Variants in ZNF487 observed in about 807,000 individuals in gnomAD.
ZNF487 encodes the protein KRAB domain only 1.
A neutral mutation model predicts 3.0 loss-of-function variants in ZNF487; 4 were observed. The ratio of observed to expected loss-of-function variants is 1.35; its 90% CI spans 0.66 to 3.08. The LOEUF (loss-of-function observed/expected upper bound fraction) is 3.08. Among genes scored for constraint, ZNF487 ranks in the 30% most tolerant of loss-of-function variants. ZNF487 has a pLI of 0.01. For missense variants in ZNF487, 146 were observed against 98.7 expected (o/e 1.48, Z -2.03); for synonymous variants, 55 against 34.6 (o/e 1.59, Z -2.06).
intron 3 of ZNF487, among the ~76,000 whole-genome samples, chr10:43,477,287 C>T (rs1415443258): frequency 6.6e-6 from 1 of 151,490 alleles, no homozygotes; most frequent in Non-Finnish European, 1.5e-5. Context: ...ACCTCTGCCT[C>T]CCAGCTCAGA....
downstream of ZNF487, among the ~76,000 whole-genome samples, chr10:43,483,527 C>A (rs950023302): frequency 9.2e-5 from 6 of 64,886 alleles, no homozygotes; most frequent in Admixed American, 1.1e-3. Context: ...CCACCATGCC[C>A]AGCCCTTCTT....
At chr10:43,516,815 T>TA in the ZNF487 span, among the ~76,000 whole-genome samples, 1 of 152,198 alleles carries the variant, frequency 6.6e-6, no homozygotes, top group Non-Finnish European at 1.5e-5. Flanking sequence ...CACTCACTGA[T>TA]ACACTCAGGA....
the ZNF487 span, among the ~76,000 whole-genome samples, chr10:43,522,739 C>CA: frequency 6.6e-6 from 1 of 151,688 alleles, no homozygotes; most frequent in Admixed American, 6.6e-5. Flanking sequence ...TCTCAAAAAA[C>CA]AAAAAATAAA....
chr10:43,502,419 T>A, the ZNF487 span, among the ~76,000 whole-genome samples: 1 of 152,084 alleles, frequency 6.6e-6, no homozygotes. Context: ...GTATACCTAA[T>A]GTAAATGATG....
chr10:43,508,763 T>C, the ZNF487 span, among the ~76,000 whole-genome samples: 145 of 152,108 alleles, frequency 9.5e-4, 1 homozygote, highest in Non-Finnish European at 1.7e-3. Context: ...GGAGAATCGT[T>C]TGAACCTGGG....
chr10:43,487,682 C>A (rs1229132542), downstream of ZNF487, among the ~76,000 whole-genome samples: 1 of 150,430 alleles, frequency 6.6e-6, no homozygotes, highest in East Asian at 2.0e-4. Flanking sequence ...CATCTTCCGA[C>A]TTCAGGTGAT....
the ZNF487 span, among the ~76,000 whole-genome samples, chr10:43,518,541 C>A: frequency 6.6e-6 from 1 of 152,102 alleles, no homozygotes; most frequent in Non-Finnish European, 1.5e-5. Context: ...CTTTTGATGA[C>A]CATCTTGCCA....
At chr10:43,465,289 T>C (rs1276940089) in intron 1 of ZNF487, among the ~76,000 whole-genome samples, 1 of 147,962 alleles carries the variant, frequency 6.8e-6, no homozygotes, top group Non-Finnish European at 1.5e-5. Context: ...TGGCGGGGGC[T>C]GATCCCCACC....
chr10:43,506,210 C>T, the ZNF487 span, among the ~76,000 whole-genome samples: 1 of 152,150 alleles, frequency 6.6e-6, no homozygotes, highest in Non-Finnish European at 1.5e-5. Context: ...AAAAACCTTC[C>T]TTATCAAAAG....
At chr10:43,516,734 C>T in the ZNF487 span, among the ~76,000 whole-genome samples, 1 of 152,170 alleles carries the variant, frequency 6.6e-6, no homozygotes, top group Admixed American at 6.5e-5. Context: ...TTAGATTGTG[C>T]CCCACCCAGA....
the ZNF487 span, among the ~76,000 whole-genome samples, chr10:43,495,684 AT>A: frequency 1.7e-4 from 26 of 152,260 alleles, no homozygotes; most frequent in African/African-American, 6.0e-4. Context: ...TTGCAGGCAT[AT>A]TTTTTAACTA....
intron 1 of ZNF487, among the ~76,000 whole-genome samples, chr10:43,465,826 C>G (rs1390809164): frequency 6.6e-6 from 1 of 152,208 alleles, no homozygotes; most frequent in African/African-American, 2.4e-5. Context: ...CTTTGGGAGG[C>G]CAAGGCAGGC....
the ZNF487 span, among the ~76,000 whole-genome samples, chr10:43,515,848 C>T: frequency 1.6e-3 from 240 of 152,242 alleles, no homozygotes; most frequent in Middle Eastern, 6.8e-3. Flanking sequence ...AATCTCGGCT[C>T]ACTGCAACCT....
chr10:43,441,034 A>ATTTT (rs763451709), intron 1 of ZNF487, among the ~76,000 whole-genome samples: 10,885 of 44,598 alleles, frequency 0.24, 3,355 homozygotes, highest in East Asian at 0.43. Context: ...ACCTGGTTAA[A>ATTTT]TTTTTTTTTT....
chr10:43,460,145 A>G (rs1158808014), intron 1 of ZNF487, among the ~76,000 whole-genome samples: 1 of 151,940 alleles, frequency 6.6e-6, no homozygotes, highest in African/African-American at 2.4e-5. Flanking sequence ...CAGAAGAATG[A>G]ATTTAATTAT....
chr10:43,495,969 G>A, the ZNF487 span: 6 of 510,512 alleles, frequency 1.2e-5, no homozygotes, highest in Middle Eastern at 1.3e-3. Context: ...ACATTGCATA[G>A]TGTTTGTTGT....
chr10:43,460,263 C>T (rs1840380720), intron 1 of ZNF487, among the ~76,000 whole-genome samples: 1 of 151,782 alleles, frequency 6.6e-6, no homozygotes, highest in Non-Finnish European at 1.5e-5. Context: ...TTAAATCAGC[C>T]TATTTTCCAG....
At chr10:43,497,187 A>AC in the ZNF487 span, among the ~76,000 whole-genome samples, 2 of 152,060 alleles carry the variant, frequency 1.3e-5, no homozygotes, top group Non-Finnish European at 2.9e-5. Context: ...TTTTTTATTA[A>AC]TTTACATGCC....
At chr10:43,457,406 A>G (rs577913483) in intron 1 of ZNF487, among the ~76,000 whole-genome samples, 3 of 147,754 alleles carry the variant, frequency 2.0e-5, no homozygotes, top group Non-Finnish European at 4.5e-5. Flanking sequence ...AAATAAAAAG[A>G]TAGCTGGGCA....
Sources: gnomAD v4.1 joint callset for allele counts (sites outside exome capture counted in the v4.1 genomes callset) on GRCh38, gnomAD v4.1.1 for gene constraint, MANE v1.5 for transcripts, NCBI Gene and HGNC (gene_info 2026-07-23, HGNC 2026-07-21) for gene names.